KCNQ5: variants seen among roughly 807,000 people sequenced by gnomAD.
KCNQ5 encodes potassium voltage-gated channel subfamily Q member 5, also known as potassium voltage-gated channel subfamily KQT member 5.
KCNQ5 carries 30 observed loss-of-function variants against 98.2 expected under a neutral mutation model. That is an observed-to-expected ratio of 0.31 (90% CI 0.23 to 0.41). KCNQ5 has a LOEUF of 0.41. Ranked by LOEUF, KCNQ5 falls within the 10% of genes least tolerant of loss-of-function variation. KCNQ5 has a pLI of 1.00. For missense variants in KCNQ5, 835 were observed against 1,182.5 expected (o/e 0.71, Z 4.31); for synonymous variants, 458 against 449.4 (o/e 1.02, Z -0.24).
At chr6:72,665,111 G>A (rs1440040161) in intron 1 of KCNQ5, among the ~76,000 whole-genome samples, 1 of 152,066 alleles carries the variant, frequency 6.6e-6, no homozygotes, top group Non-Finnish European at 1.5e-5. Flanking sequence ...ACTTTGGGAG[G>A]CCACGGTAGG....
intron 1 of KCNQ5, among the ~76,000 whole-genome samples, chr6:72,644,363 C>T (rs954810153): frequency 1.3e-5 from 2 of 152,046 alleles, no homozygotes; most frequent in Admixed American, 6.6e-5. Context: ...ATATTTTCTC[C>T]GTAAGGCACA....
Position 73,066,125 on chromosome 6 carries a change from G to A in KCNQ5, c.617-11197G>A, listed in dbSNP as rs566234974. Among the ~76,000 whole-genome samples, 4 of 152,282 alleles carry A rather than the reference G, an allele frequency of 2.6e-5. No homozygotes were observed. The East Asian group carries it at 7.7e-4, about 29-fold the overall frequency. ...CATGCCATTGCACTCCAGCCTGGGT[G>A]ACAGAGACTGTCTCAAAAATAAAAT... is the stretch of plus-strand genomic sequence containing the variant. On this transcript the variant is annotated intron_variant, in intron 3 of 13. Transcript: ENST00000370398.
At chr6:73,024,785 A>T (rs1273171028) in intron 2 of KCNQ5, among the ~76,000 whole-genome samples, 1 of 152,234 alleles carries the variant, frequency 6.6e-6, no homozygotes, top group Non-Finnish European at 1.5e-5. Context: ...ACAAAATGTG[A>T]CCAAAGCAAA....
chr6:73,154,718 TA>T (rs547665375), intron 10 of KCNQ5, among the ~76,000 whole-genome samples: 363 of 152,346 alleles, frequency 2.4e-3, no homozygotes, highest in African/African-American at 8.3e-3. Flanking sequence ...AGTTCTACTA[TA>T]AAAGTTACTC....
intron 11 of KCNQ5, among the ~76,000 whole-genome samples, chr6:73,185,894 A>G (rs1778553756): frequency 6.6e-6 from 1 of 152,214 alleles, no homozygotes; most frequent in Non-Finnish European, 1.5e-5. Context: ...AAGTATAATG[A>G]CAGGGTCATC....
At chr6:72,836,407 AGAAT>A (rs1776502575) in intron 1 of KCNQ5, among the ~76,000 whole-genome samples, 1 of 152,120 alleles carries the variant, frequency 6.6e-6, no homozygotes, top group African/African-American at 2.4e-5. Context: ...AAACTGGAGA[AGAAT>A]TTACAAATTT....
intron 1 of KCNQ5, among the ~76,000 whole-genome samples, chr6:72,946,011 T>A (rs1766529341): frequency 6.6e-6 from 1 of 152,174 alleles, no homozygotes; most frequent in South Asian, 2.1e-4. Context: ...CCACTTTCAC[T>A]GACACAGCAG....
At chr6:72,647,082 A>G (rs1208299923) in intron 1 of KCNQ5, among the ~76,000 whole-genome samples, 6 of 152,234 alleles carry the variant, frequency 3.9e-5, no homozygotes, top group African/African-American at 7.2e-5. Context: ...ACCATTATGC[A>G]TATTCATTCA....
intron 5 of KCNQ5, among the ~76,000 whole-genome samples, chr6:73,097,142 C>CATATATATATACATATATATAT (rs1774540615): frequency 8.2e-6 from 1 of 121,858 alleles, no homozygotes; most frequent in Non-Finnish European, 1.8e-5. Flanking sequence ...CAATAGATCT[C>CATATATATATACATATATATAT]ATATATATAT....
intron 11 of KCNQ5, among the ~76,000 whole-genome samples, chr6:73,189,931 C>G (rs1034225624): frequency 6.6e-6 from 1 of 150,686 alleles, no homozygotes; most frequent in Non-Finnish European, 1.5e-5. Context: ...CTTAGGGAGG[C>G]TGAGGCAGGA....
At chr6:72,802,983 C>G (rs753514327) in intron 1 of KCNQ5, among the ~76,000 whole-genome samples, 1 of 152,154 alleles carries the variant, frequency 6.6e-6, no homozygotes, top group African/African-American at 2.4e-5. Context: ...CTATCAACTC[C>G]TAGGCTGCAT....
rs552300796 is a variant in KCNQ5, at chr6:73,114,091, A to G, written c.1125+2688A>G. The stretch of plus-strand genomic sequence containing the variant: ...TTTAAATGCAATTAATTTATTACAC[A>G]TAGAAATAATAATATAATTATTAAT... On this transcript the variant is annotated intron_variant, in intron 7 of 13. Transcript: ENST00000370398. Among the ~76,000 whole-genome samples the G allele has an allele frequency of 3.3e-5, 5 of 152,284 alleles. No homozygotes were observed. The South Asian group carries it at 8.3e-4, about 25-fold the overall frequency.
chr6:72,778,776 A>C (rs1773299713), intron 1 of KCNQ5, among the ~76,000 whole-genome samples: 1 of 152,216 alleles, frequency 6.6e-6, no homozygotes, highest in African/African-American at 2.4e-5. Context: ...AAATTTTAAA[A>C]AAATCAACAG....
intron 1 of KCNQ5, among the ~76,000 whole-genome samples, chr6:72,828,990 G>T (rs568437636): frequency 1.8e-4 from 27 of 152,150 alleles, no homozygotes; most frequent in South Asian, 2.1e-4. Flanking sequence ...AACATAATGT[G>T]TATGTATACA....
At chr6:72,690,247 A>G (rs1340455827) in intron 1 of KCNQ5, among the ~76,000 whole-genome samples, 3 of 152,156 alleles carry the variant, frequency 2.0e-5, no homozygotes, top group Non-Finnish European at 4.4e-5. Context: ...AAAAACAAAA[A>G]AGAAAAGAAA....
chr6:72,913,078 A>G (rs1780004827), intron 1 of KCNQ5, among the ~76,000 whole-genome samples: 1 of 152,172 alleles, frequency 6.6e-6, no homozygotes, highest in Non-Finnish European at 1.5e-5. Flanking sequence ...TTAATGGTGC[A>G]TACTTCTGCA....
At chr6:73,061,286 G>A (rs553564517) in intron 3 of KCNQ5, among the ~76,000 whole-genome samples, 3 of 152,228 alleles carry the variant, frequency 2.0e-5, no homozygotes, top group South Asian at 2.1e-4. Flanking sequence ...TGAGGATAGC[G>A]AATGAGGACA....
rs951737872 is a variant in KCNQ5, at chr6:73,058,862, G to C, written c.616+16800G>C. On this transcript the variant is annotated intron_variant, in intron 3 of 13. Transcript: ENST00000370398. ...GAAATGCAAATCAAAACCACAATAA[G>C]ATACCATCTCACAAAAGTCAGAATG... 5.3e-5 allele frequency among the ~76,000 whole-genome samples: 8 copies of C among 152,194 alleles called. No individual in the cohort carries two copies. In the East Asian group the frequency reaches 1.4e-3, roughly 26 times the overall value.
At chr6:72,712,243 C>T (rs575505044) in intron 1 of KCNQ5, among the ~76,000 whole-genome samples, 1 of 152,102 alleles carries the variant, frequency 6.6e-6, no homozygotes, top group Non-Finnish European at 1.5e-5. Context: ...CATTTATAGG[C>T]TTGGAAGAAG....
Sources: gnomAD v4.1 joint callset for allele counts (sites outside exome capture counted in the v4.1 genomes callset) on GRCh38, gnomAD v4.1.1 for gene constraint, MANE v1.5 for transcripts, NCBI Gene and HGNC (gene_info 2026-07-23, HGNC 2026-07-21) for gene names.